The following XYLT1 variants were observed in gnomAD, a reference collection of about 807,000 sequenced individuals.
XYLT1 encodes xylosyltransferase 1.
A neutral mutation model predicts 91.3 loss-of-function variants in XYLT1; 36 were observed. That is an observed-to-expected ratio of 0.39 (90% confidence interval 0.30 to 0.52). The LOEUF (loss-of-function observed/expected upper bound fraction) is 0.52. Among genes scored for constraint, XYLT1 ranks in the 20% least tolerant of loss-of-function variants. The pLI is 0.68. For missense variants in XYLT1, 1,242 were observed against 1,284.5 expected (o/e 0.97, Z 0.51); for synonymous variants, 588 against 532.0 (o/e 1.11, Z -1.45).
intron 5 of XYLT1, among the ~76,000 whole-genome samples, chr16:17,160,568 A>T (rs532335270): frequency 6.6e-6 from 1 of 152,320 alleles, no homozygotes; most frequent in African/African-American, 2.4e-5. Flanking sequence ...CCATTCTAGC[A>T]GCGGCAGGCA....
chr16:17,118,388 G>A (rs2029929182), intron 10 of XYLT1, among the ~76,000 whole-genome samples: 1 of 152,118 alleles, frequency 6.6e-6, no homozygotes, highest in Non-Finnish European at 1.5e-5. Flanking sequence ...TCCATCCTTG[G>A]TTTTCTAAAT....
At chr16:17,124,950 G>C (rs1468878022) in intron 10 of XYLT1, among the ~76,000 whole-genome samples, 1 of 152,110 alleles carries the variant, frequency 6.6e-6, no homozygotes, top group African/African-American at 2.4e-5. Context: ...AGTTGTGATT[G>C]TGTTCTATTT....
At chr16:17,440,460 C>T in intron 1 of XYLT1, among the ~76,000 whole-genome samples, 1 of 152,168 alleles carries the variant, frequency 6.6e-6, no homozygotes, top group East Asian at 1.9e-4. Flanking sequence ...CAACTGCATT[C>T]AATGTCAGCC....
At chr16:17,224,713 G>T (rs893106852) in intron 3 of XYLT1, among the ~76,000 whole-genome samples, 1 of 152,056 alleles carries the variant, frequency 6.6e-6, no homozygotes. Flanking sequence ...TTTCCCCTCT[G>T]TTATACACAA....
chr16:17,225,523 T>A (rs2033047438), intron 3 of XYLT1, among the ~76,000 whole-genome samples: 1 of 152,056 alleles, frequency 6.6e-6, no homozygotes, highest in Non-Finnish European at 1.5e-5. Flanking sequence ...CTGCCTAATT[T>A]CTTGACAAGT....
At chr16:17,261,077 C>T (rs2033714914) in intron 2 of XYLT1, among the ~76,000 whole-genome samples, 1 of 151,894 alleles carries the variant, frequency 6.6e-6, no homozygotes, top group South Asian at 2.1e-4. Flanking sequence ...CTACCAATAA[C>T]ACACACACAC....
At chr16:17,180,353 G>C (rs911705878) in intron 5 of XYLT1, among the ~76,000 whole-genome samples, 2 of 152,148 alleles carry the variant, frequency 1.3e-5, no homozygotes, top group African/African-American at 4.8e-5. Context: ...AACTTCCCCA[G>C]GGTGGCAAAT....
In XYLT1 at chr16:17,358,043, T is replaced by C. The variant is rs765410178; in HGVS notation, c.371A>G (p.His124Arg). Residue 124 changes from histidine to arginine, a missense_variant, in exon 2 of 12, where the codon CAC becomes CGC. This residue lies in a region of XYLT1 where 437 missense variants were observed against 411.5 expected (regional missense o/e 1.06). Coordinates refer to ENST00000261381, the MANE Select transcript of XYLT1 (RefSeq NM_022166.4). ...GALPARALDPHPSPLITLETQ... is the reference protein window; with the variant it reads ...GALPARALDPRPSPLITLETQ... ...CTCCAGGGTGATGAGCGGACTTGGGTGTGGATCCTGTAGGATGAAAGGAGA... is the reference window on the plus strand; with the variant it reads ...CTCCAGGGTGATGAGCGGACTTGGGCGTGGATCCTGTAGGATGAAAGGAGA... 5 of 1,613,404 alleles carry C rather than the reference T, an allele frequency of 3.1e-6. No homozygotes were observed. The highest frequency in any genetic ancestry group is 4.2e-6 in the Non-Finnish European group (5 of 1,179,704).
chr16:17,165,349 C>T (rs912491534), intron 5 of XYLT1, among the ~76,000 whole-genome samples: 6 of 152,196 alleles, frequency 3.9e-5, no homozygotes, highest in Admixed American at 3.9e-4. Context: ...TCAGCACGTA[C>T]AGGCAGACTT....
intron 5 of XYLT1, among the ~76,000 whole-genome samples, chr16:17,197,032 G>T (rs8057208): frequency 0.37 from 30,970 of 84,836 alleles, 5,718 homozygotes; most frequent in African/African-American, 0.6. Context: ...TATATATATA[G>T]ATATATATAC....
chr16:17,236,673 G>T (rs965855099), intron 3 of XYLT1, among the ~76,000 whole-genome samples: 3 of 152,216 alleles, frequency 2.0e-5, no homozygotes, highest in African/African-American at 7.2e-5. Context: ...TGAGAAGGAA[G>T]AATCTATTCC....
intron 1 of XYLT1, among the ~76,000 whole-genome samples, chr16:17,409,825 C>G (rs1013647795): frequency 2.6e-5 from 4 of 152,116 alleles, no homozygotes; most frequent in African/African-American, 9.7e-5. Flanking sequence ...GCTGGGATTA[C>G]AGGTGTCAGC....
intron 6 of XYLT1, among the ~76,000 whole-genome samples, chr16:17,144,407 C>G (rs558484531): frequency 2.9e-4 from 44 of 152,084 alleles, no homozygotes; most frequent in Non-Finnish European, 6.2e-4. Flanking sequence ...GCACATATAA[C>G]CATAGGTTAA....
At chr16:17,188,097 A>G (rs2032226908) in intron 5 of XYLT1, among the ~76,000 whole-genome samples, 1 of 151,956 alleles carries the variant, frequency 6.6e-6, no homozygotes, top group Non-Finnish European at 1.5e-5. Flanking sequence ...GCTTGGGTTC[A>G]GGAAGCTCCT....
At chr16:17,396,340 G>T (rs2035886562) in intron 1 of XYLT1, among the ~76,000 whole-genome samples, 1 of 152,198 alleles carries the variant, frequency 6.6e-6, no homozygotes, top group South Asian at 2.1e-4. Context: ...TGAAAGCTCA[G>T]CTGGGTGACC....
chr16:17,114,110 C>A (rs1344345651), intron 11 of XYLT1, among the ~76,000 whole-genome samples: 1 of 152,254 alleles, frequency 6.6e-6, no homozygotes, highest in Non-Finnish European at 1.5e-5. Flanking sequence ...ACCCCAATGC[C>A]ATGGGGACAG....
chr16:17,351,558 A>G (rs974354796), intron 2 of XYLT1, among the ~76,000 whole-genome samples: 1 of 152,308 alleles, frequency 6.6e-6, no homozygotes, highest in Admixed American at 6.5e-5. Context: ...TGTCACAACC[A>G]CAGCCTACAG....
intron 1 of XYLT1, among the ~76,000 whole-genome samples, chr16:17,448,039 C>A (rs1348524255): frequency 6.6e-6 from 1 of 152,160 alleles, no homozygotes; most frequent in Admixed American, 6.5e-5. Context: ...AAATTCATCC[C>A]AGATTTCAGA....
chr16:17,137,451 T>C (rs541243055), intron 8 of XYLT1: 2 of 152,282 alleles, frequency 1.3e-5, no homozygotes, highest in Admixed American at 6.5e-5. Context: ...ACGGTGGCTC[T>C]AGTGACCTCA....
Sources: gnomAD v4.1 joint callset for allele counts (sites outside exome capture counted in the v4.1 genomes callset) on GRCh38, gnomAD v4.1.1 for gene constraint, gnomAD v4.1.1 regional missense constraint, MANE v1.5 for transcripts, NCBI Gene and HGNC (gene_info 2026-07-23, HGNC 2026-07-21) for gene names.